The following TFEC variants were observed in gnomAD, a reference collection of about 807,000 sequenced individuals.
The protein encoded by TFEC is transcription factor EC.
Under a neutral mutation model 41.6 loss-of-function variants are expected in TFEC, and 31 were observed. The observed-to-expected ratio is 0.74, with a 90% confidence interval of 0.56 to 1.01. The LOEUF (loss-of-function observed/expected upper bound fraction) is 1.01, where lower values mean the gene tolerates loss of function less well. Ranked by LOEUF, TFEC falls within the 50% of genes least tolerant of loss-of-function variation. The pLI is 0.00. For synonymous variants in TFEC, 143 were observed against 140.6 expected (o/e 1.02, Z -0.12); for missense variants, 402 against 404.1 (o/e 0.99, Z 0.04).
At chr7:116,144,430 T>C (rs1168985300) in intron 1 of TFEC, among the ~76,000 whole-genome samples, 1 of 152,190 alleles carries the variant, frequency 6.6e-6, no homozygotes, top group Non-Finnish European at 1.5e-5. Context: ...TGTGTCTACT[T>C]GGCCAGGCTA....
chr7:115,952,959 T>C (rs985062542), intron 5 of TFEC, among the ~76,000 whole-genome samples: 2 of 152,074 alleles, frequency 1.3e-5, no homozygotes, highest in Admixed American at 1.3e-4. Context: ...CCTAATTCCC[T>C]GAGTTCACTT....
At chr7:116,060,965 AAAG>A (rs1323681137) in intron 3 of TFEC, among the ~76,000 whole-genome samples, 1 of 152,154 alleles carries the variant, frequency 6.6e-6, no homozygotes, top group Non-Finnish European at 1.5e-5. Flanking sequence ...AAAAAAAATT[AAAG>A]AAGACCTAAA....
chr7:116,104,643 T>G (rs576054857), intron 3 of TFEC, among the ~76,000 whole-genome samples: 6 of 152,284 alleles, frequency 3.9e-5, no homozygotes, highest in African/African-American at 1.4e-4. Context: ...AGCTTTGCAG[T>G]TTCTCTAATT....
chr7:116,133,493 G>C (rs1174520045), intron 1 of TFEC, among the ~76,000 whole-genome samples: 2 of 150,124 alleles, frequency 1.3e-5, no homozygotes, highest in Non-Finnish European at 3.0e-5. Flanking sequence ...CTGAGATCAC[G>C]CCCCTGCACT....
intron 3 of TFEC, among the ~76,000 whole-genome samples, chr7:116,101,512 C>T (rs1797604484): frequency 6.6e-6 from 1 of 152,130 alleles, no homozygotes; most frequent in Non-Finnish European, 1.5e-5. Flanking sequence ...TACTTTTACA[C>T]TTTACACAAT....
At chr7:115,958,678 TG>T (rs1792366337) in intron 3 of TFEC, among the ~76,000 whole-genome samples, 1 of 151,892 alleles carries the variant, frequency 6.6e-6, no homozygotes, top group Non-Finnish European at 1.5e-5. Context: ...TCCTTAGAAA[TG>T]GGGTTTAAAT....
intron 3 of TFEC, among the ~76,000 whole-genome samples, chr7:115,963,333 T>C (rs539205004): frequency 6.6e-6 from 1 of 151,916 alleles, no homozygotes; most frequent in Admixed American, 6.6e-5. Context: ...TGAGGAGTGC[T>C]GGTGGTAACG....
At chr7:115,976,518 C>T (rs1413257983) in intron 2 of TFEC, among the ~76,000 whole-genome samples, 1 of 152,002 alleles carries the variant, frequency 6.6e-6, no homozygotes, top group African/African-American at 2.4e-5. Context: ...GAGGGTGTAG[C>T]TCTAGCCATG....
intron 3 of TFEC, among the ~76,000 whole-genome samples, chr7:116,057,983 T>C (rs111709850): frequency 0.011 from 1,698 of 151,716 alleles, 40 homozygotes; most frequent in African/African-American, 0.039. Flanking sequence ...TGAGCATAGA[T>C]GGAACAAACA....
At chr7:116,000,417 A>C (rs1177298195) in intron 1 of TFEC, among the ~76,000 whole-genome samples, 1 of 152,152 alleles carries the variant, frequency 6.6e-6, no homozygotes, top group African/African-American at 2.4e-5. Flanking sequence ...CCTATTATTC[A>C]ACATGGTACT....
At chr7:116,010,556 T>C (rs1794962678) in intron 1 of TFEC, among the ~76,000 whole-genome samples, 1 of 152,106 alleles carries the variant, frequency 6.6e-6, no homozygotes, top group Non-Finnish European at 1.5e-5. Flanking sequence ...ATGAAATAGG[T>C]AGCTAGACGT....
At chr7:116,012,303 A>G (rs1795031169) in intron 1 of TFEC, among the ~76,000 whole-genome samples, 1 of 152,160 alleles carries the variant, frequency 6.6e-6, no homozygotes, top group African/African-American at 2.4e-5. Flanking sequence ...TTCAGAAATC[A>G]ACAATTGTGT....
intron 1 of TFEC, among the ~76,000 whole-genome samples, chr7:116,158,930 GATT>G (rs1798921988): frequency 1.3e-5 from 2 of 151,890 alleles, no homozygotes; most frequent in South Asian, 2.1e-4. Flanking sequence ...GTCCCTAAAA[GATT>G]ATAAAATGTT....
chr7:115,978,673 T>C (rs747968002), intron 2 of TFEC, among the ~76,000 whole-genome samples: 6 of 152,188 alleles, frequency 3.9e-5, no homozygotes, highest in Non-Finnish European at 8.8e-5. Context: ...TTTGTTGTTA[T>C]TTTTATTCAC....
At position 115,940,693 on chromosome 7, in the gene TFEC, T is replaced by A. The variant is rs1793447304; in HGVS notation, c.902A>T (p.Glu301Val). 5 of 1,613,592 alleles carry A rather than the reference T, an allele frequency of 3.1e-6. No homozygotes were observed. The highest frequency in any genetic ancestry group is 4.2e-6 in the Non-Finnish European group (5 of 1,179,640). The change falls in exon 8 of 8, where the codon GAA (glutamate) becomes GTA (valine). Residue 301 changes from glutamate to valine, a missense_variant. By Grantham distance (121) the Glu-to-Val change is moderately radical (BLOSUM62 -2). Transcript: ENST00000265440. The part of the protein sequence containing the change: ...DLSFSAALKE[E>V]QRLDGMLLDD... Reference sequence around the variant, plus strand: ...CAATAGCATGCCATCCAATCTTTGTTCCTCTTTCAATGCAGCACTAAATGA... The same window carrying A: ...CAATAGCATGCCATCCAATCTTTGTACCTCTTTCAATGCAGCACTAAATGA...
intron 3 of TFEC, among the ~76,000 whole-genome samples, chr7:116,089,400 T>C (rs887229788): frequency 2.6e-5 from 4 of 152,082 alleles, no homozygotes; most frequent in South Asian, 4.1e-4. Context: ...ATGTGTCACA[T>C]TGTGAAAGAT....
chr7:116,029,770 T>C (rs1795725015), intron 1 of TFEC, among the ~76,000 whole-genome samples: 1 of 152,076 alleles, frequency 6.6e-6, no homozygotes, highest in Non-Finnish European at 1.5e-5. Context: ...CTACTACAAC[T>C]CTTTTGATTA....
At chr7:115,965,533 T>C (rs1792803081) in intron 3 of TFEC, among the ~76,000 whole-genome samples, 1 of 151,782 alleles carries the variant, frequency 6.6e-6, no homozygotes, top group East Asian at 1.9e-4. Flanking sequence ...CTTTCTTTTT[T>C]AGTTGAAGTT....
At chr7:115,991,856 C>G (rs1040933577) in intron 1 of TFEC, among the ~76,000 whole-genome samples, 9 of 152,178 alleles carry the variant, frequency 5.9e-5, no homozygotes, top group Non-Finnish European at 1.0e-4. Flanking sequence ...ATCAAGTGGA[C>G]CTAACAGATA....
Sources: gnomAD v4.1 joint callset for allele counts (sites outside exome capture counted in the v4.1 genomes callset) on GRCh38, gnomAD v4.1.1 for gene constraint, MANE v1.5 for transcripts, NCBI Gene and HGNC (gene_info 2026-07-23, HGNC 2026-07-21) for gene names.